Variants in ANK3 observed in about 807,000 individuals in gnomAD.
ANK3 encodes the protein ankyrin 3, also known as ankyrin-3.
ANK3 carries 57 observed loss-of-function variants against 370.9 expected under a neutral mutation model. The ratio of observed to expected loss-of-function variants is 0.15; its 90% CI spans 0.12 to 0.19. The LOEUF (loss-of-function observed/expected upper bound fraction) is 0.19, where lower values mean the gene tolerates loss of function less well. Among genes scored for constraint, ANK3 ranks in the 10% least tolerant of loss-of-function variants. The pLI is 1.00. For synonymous variants in ANK3, 1,929 were observed against 1,946.3 expected, an observed-to-expected ratio of 0.99 and a Z score of 0.23; for missense variants, 4,439 against 5,302.1, an observed-to-expected ratio of 0.84 and a Z score of 5.06.
rs543761552 is a variant in ANK3, at chr10:60,693,949, C to G, written c.57+39314G>C. 9.4e-3 allele frequency among the ~76,000 whole-genome samples: 1,425 copies of G among 152,114 alleles called. 14 individuals carry two copies. Among genetic ancestry groups the G allele is most frequent in the Middle Eastern group, 0.027 (8 of 294 alleles). On this transcript the variant is annotated intron_variant, in intron 1 of 43. Coordinates refer to the ANK3 transcript ENST00000373827. ...GAAGGCTTCAGACGATCAAATTACTCTGAGCTACGGGAGGACATTCAAACC... is the reference window on the plus strand; with the variant it reads ...GAAGGCTTCAGACGATCAAATTACTGTGAGCTACGGGAGGACATTCAAACC...
intron 2 of ANK3, among the ~76,000 whole-genome samples, chr10:60,476,062 A>G (rs2075056190): frequency 6.6e-6 from 1 of 152,216 alleles, no homozygotes; most frequent in Non-Finnish European, 1.5e-5. Context: ...TGTTTTAATA[A>G]TATTTTGTCT....
At chr10:60,394,339 T>C (rs1236285695), upstream of ANK3, among the ~76,000 whole-genome samples, 2 of 151,970 alleles carry the variant, frequency 1.3e-5, no homozygotes, top group African/African-American at 4.8e-5. Context: ...ATGAAGTTCT[T>C]AAAAAACTGT....
intron 1 of ANK3, among the ~76,000 whole-genome samples, chr10:60,661,159 T>G (rs2078931174): frequency 7.0e-6 from 1 of 141,896 alleles, no homozygotes; most frequent in Admixed American, 7.1e-5. Context: ...AGTGTTTTGG[T>G]TTTTTTTTTT....
intron 7 of ANK3, 111 bp from the exon 8 acceptor site, chr10:60,234,897 C>A (rs968512032): frequency 8.9e-6 from 6 of 674,822 alleles, no homozygotes; most frequent in Non-Finnish European, 1.6e-5. Context: ...TTCTAAACAT[C>A]CTTTATGAAC....
chr10:60,366,333 G>GA lies in ANK3; in HGVS notation c.114+23091dup, dbSNP rs58214361. ...GAGTGACAGAGACAGACTCTGTCTCGAAAAAAACAAAAAAATTAAACCACT... is the reference window on the plus strand; with the variant it reads ...GAGTGACAGAGACAGACTCTGTCTCGAAAAAAAACAAAAAAATTAAACCACT... On this transcript the variant is annotated intron_variant, in intron 1 of 43. Coordinates refer to ENST00000280772, the MANE Select transcript of ANK3 (RefSeq NM_020987.5). 9.5e-3 allele frequency among the ~76,000 whole-genome samples: 1,443 copies of GA among 151,464 alleles called. 25 individuals carry two copies. The highest frequency in any genetic ancestry group is 0.033 in the African/African-American group (1,374 of 41,316).
chr10:60,069,770 T>G lies in ANK3; in HGVS notation c.11111A>C (p.Lys3704Thr), dbSNP rs1486052966. The G allele has an allele frequency of 1.2e-6, 2 of 1,613,954 alleles. No individual in the cohort carries two copies. Among genetic ancestry groups the G allele is most frequent in the Non-Finnish European group, 8.5e-7 (1 of 1,179,972 alleles). ...EGTSSSGSLE[K>T]SAAATNTSKV... The stretch of plus-strand genomic sequence containing the variant: ...AGAGGTGTTAGTGGCTGCTGCTGAT[T>G]TCTCCAGGGAGCCACTACTGGATGT... Residue 3704 changes from lysine to threonine, a missense_variant, in exon 37 of 44, where the codon AAA becomes ACA. By Grantham distance (78) the Lys-to-Thr change is moderately conservative. Transcript: ENST00000280772.
chr10:60,277,965 G>A (rs1383619604), intron 4 of ANK3, among the ~76,000 whole-genome samples: 1 of 152,170 alleles, frequency 6.6e-6, no homozygotes, highest in Non-Finnish European at 1.5e-5. Flanking sequence ...CCTGTCTGTG[G>A]AGACTCAAAT....
At chr10:60,721,684 A>C (rs577137190) in intron 1 of ANK3, among the ~76,000 whole-genome samples, 1 of 152,336 alleles carries the variant, frequency 6.6e-6, no homozygotes, top group African/African-American at 2.4e-5. Flanking sequence ...TAACTTGGGC[A>C]GACAATGATT....
chr10:60,039,516 G>A (rs923499327), intron 43 of ANK3, among the ~76,000 whole-genome samples: 3 of 152,088 alleles, frequency 2.0e-5, no homozygotes, highest in African/African-American at 7.2e-5. Context: ...AGAAATTTAC[G>A]ACAGGTTGCT....
intron 12 of ANK3, among the ~76,000 whole-genome samples, chr10:60,202,271 G>A (rs867246101): frequency 1.2e-4 from 18 of 152,096 alleles, no homozygotes; most frequent in African/African-American, 3.6e-4. Flanking sequence ...ACAGGCATGC[G>A]CCACCATGCC....
At chr10:60,253,872 G>A in intron 7 of ANK3, among the ~76,000 whole-genome samples, 1 of 152,098 alleles carries the variant, frequency 6.6e-6, no homozygotes, top group East Asian at 1.9e-4. Flanking sequence ...ATGTGTGTGT[G>A]GTCTCTGTTG....
At chr10:60,585,125 C>A (rs1450284590) in intron 2 of ANK3, among the ~76,000 whole-genome samples, 1 of 152,180 alleles carries the variant, frequency 6.6e-6, no homozygotes, top group African/African-American at 2.4e-5. Context: ...TACCTTCAAG[C>A]GAGATCCTGC....
At chr10:60,213,210 A>G (rs971296915) in intron 9 of ANK3, among the ~76,000 whole-genome samples, 2 of 152,170 alleles carry the variant, frequency 1.3e-5, no homozygotes, top group African/African-American at 4.8e-5. Flanking sequence ...CCACACACAC[A>G]CAAACAACTT....
intron 2 of ANK3, among the ~76,000 whole-genome samples, chr10:60,423,634 A>G (rs753459801): frequency 6.6e-6 from 1 of 151,992 alleles, no homozygotes; most frequent in Non-Finnish European, 1.5e-5. Context: ...TCCTTATTAA[A>G]AACTCTTTAT....
intron 12 of ANK3, among the ~76,000 whole-genome samples, chr10:60,202,077 T>C (rs547378590): frequency 3.3e-5 from 5 of 152,034 alleles, no homozygotes; most frequent in Admixed American, 3.3e-4. Context: ...TGCGGTACTT[T>C]TTAATGTTTT....
intron 28 of ANK3, among the ~76,000 whole-genome samples, chr10:60,094,307 C>A (rs1413923983): frequency 3.3e-5 from 5 of 151,436 alleles, no homozygotes; most frequent in African/African-American, 9.7e-5. Flanking sequence ...CCTGTCTCAG[C>A]CTCCCAAGTA....
chr10:60,147,763 T>C (rs558947722), intron 23 of ANK3, among the ~76,000 whole-genome samples: 57 of 152,256 alleles, frequency 3.7e-4, no homozygotes, highest in African/African-American at 1.3e-3. Flanking sequence ...TGCCTTCCCC[T>C]ATGATTGTAA....
At chr10:60,514,192 C>T (rs878876838) in intron 2 of ANK3, among the ~76,000 whole-genome samples, 8 of 152,024 alleles carry the variant, frequency 5.3e-5, no homozygotes, top group African/African-American at 4.8e-5. Context: ...TAAGGCTGCC[C>T]GTCAACAGTA....
intron 2 of ANK3, among the ~76,000 whole-genome samples, chr10:60,443,067 G>C (rs2064339578): frequency 6.6e-6 from 1 of 152,156 alleles, no homozygotes; most frequent in East Asian, 1.9e-4. Context: ...TTTTGGAGGA[G>C]GAGGTCTTAG....
Sources: gnomAD v4.1 joint callset for allele counts (sites outside exome capture counted in the v4.1 genomes callset) on GRCh38, gnomAD v4.1.1 for gene constraint, MANE v1.5 for transcripts, NCBI Gene and HGNC (gene_info 2026-07-23, HGNC 2026-07-21) for gene names.